CFAP20DC: variants seen among roughly 807,000 people sequenced by gnomAD.
CFAP20DC encodes the protein protein CFAP20DC.
In CFAP20DC, 84 loss-of-function variants were observed where a neutral mutation model predicts 101.7. The ratio of observed to expected loss-of-function variants is 0.83; its 90% CI spans 0.69 to 0.99. The LOEUF (loss-of-function observed/expected upper bound fraction) is 0.99, where lower values mean the gene tolerates loss of function less well. Ranked by LOEUF, CFAP20DC falls within the 50% of genes least tolerant of loss-of-function variation. The pLI is 0.00. For synonymous variants in CFAP20DC, 359 were observed against 351.2 expected, an observed-to-expected ratio of 1.02 and a Z score of -0.25; for missense variants, 1,007 against 970.3, an observed-to-expected ratio of 1.04 and a Z score of -0.50.
At chr3:58,976,015 C>G (rs1421953301) in intron 4 of CFAP20DC, among the ~76,000 whole-genome samples, 16 of 152,202 alleles carry the variant, frequency 1.1e-4, no homozygotes. Context: ...TGCTACACCT[C>G]AAAGCATTTT....
intron 5 of CFAP20DC, among the ~76,000 whole-genome samples, chr3:58,935,199 A>G (rs1179118916): frequency 2.6e-5 from 4 of 152,222 alleles, no homozygotes; most frequent in Admixed American, 6.5e-5. Flanking sequence ...GAAAACACCT[A>G]GGAATCCAAC....
intron 15 of CFAP20DC, among the ~76,000 whole-genome samples, chr3:58,754,558 G>A (rs949406572): frequency 6.6e-6 from 1 of 152,184 alleles, no homozygotes; most frequent in African/African-American, 2.4e-5. Context: ...TTCACTAGTG[G>A]TAAGGAGCAG....
At chr3:58,891,466 G>C (rs986826933) in intron 6 of CFAP20DC, among the ~76,000 whole-genome samples, 2 of 112,572 alleles carry the variant, frequency 1.8e-5, no homozygotes, top group Non-Finnish European at 3.9e-5. Context: ...AGAGGGAGAG[G>C]GAGAGAGCTT....
At chr3:58,925,876 T>C (rs2085906684) in intron 5 of CFAP20DC, among the ~76,000 whole-genome samples, 1 of 152,182 alleles carries the variant, frequency 6.6e-6, no homozygotes, top group African/African-American at 2.4e-5. Context: ...CCAATTTAAG[T>C]ATTTTAAAAA....
At chr3:58,927,742 C>A (rs2086142744) in intron 5 of CFAP20DC, among the ~76,000 whole-genome samples, 1 of 152,102 alleles carries the variant, frequency 6.6e-6, no homozygotes, top group Admixed American at 6.6e-5. Context: ...AGAACTGGGG[C>A]CAATACCACA....
chr3:58,963,705 T>C (rs2091331706), intron 4 of CFAP20DC, among the ~76,000 whole-genome samples: 1 of 151,912 alleles, frequency 6.6e-6, no homozygotes, highest in Non-Finnish European at 1.5e-5. Flanking sequence ...CTGGAAAACA[T>C]GGAAAAGAGG....
At chr3:58,794,859 TTGCTGAAA>T (rs2073120604) in intron 15 of CFAP20DC, among the ~76,000 whole-genome samples, 1 of 152,182 alleles carries the variant, frequency 6.6e-6, no homozygotes, top group Admixed American at 6.5e-5. Flanking sequence ...TCATCGAGCG[TTGCTGAAA>T]GTATGAGCTA....
In CFAP20DC at chr3:58,799,721, C is replaced by CTG. The variant is rs1431222745; in HGVS notation, c.2237+6672_2237+6673dup. Among the ~76,000 whole-genome samples, 63 of 134,656 alleles carry CTG rather than the reference C, an allele frequency of 4.7e-4. 1 individual carries two copies. The highest frequency in any genetic ancestry group is 3.6e-3 in the Middle Eastern group (1 of 280). The allele number at this position is 134,656 out of a possible 152,430, so 88.3% of individuals were successfully genotyped here. A position where few individuals can be genotyped will look rare whatever the true frequency, so the allele number is the denominator to read the frequency against. The stretch of plus-strand genomic sequence containing the variant: ...TCGAGAAGGAGCAGTGTGTGTGTGT[C>CTG]TGTGTGTGTGTCTGTGTGTGTGTGT... On this transcript the variant is annotated intron_variant, in intron 15 of 16. Transcript: ENST00000482387. This position sits in a 1 kb window ranked among gnomAD's most constrained non-coding sequence, Gnocchi z 4.9.
At chr3:58,866,861 C>T (rs551570223) in intron 10 of CFAP20DC, among the ~76,000 whole-genome samples, 173 bp from the exon 11 acceptor site, 1 of 151,822 alleles carries the variant, frequency 6.6e-6, no homozygotes, top group African/African-American at 2.4e-5. Context: ...TTTTAAGCTG[C>T]ATTTTTATAG....
At position 58,935,796 on chromosome 3, in the gene CFAP20DC, G is replaced by A. The variant is rs984315049; in HGVS notation, c.393+1852C>T. ...TTCAAGGTGGATTAAAGACTTAAACGTTAGATCTAAAACCATAAAAACCCT... is the reference window on the plus strand; with the variant it reads ...TTCAAGGTGGATTAAAGACTTAAACATTAGATCTAAAACCATAAAAACCCT... On this transcript the variant is annotated intron_variant, in intron 5 of 16. Coordinates refer to ENST00000482387, the MANE Select transcript of CFAP20DC (RefSeq NM_001394063.1). 8.5e-5 allele frequency among the ~76,000 whole-genome samples: 13 copies of A among 152,224 alleles called. 1 individual carries two copies. The South Asian group carries it at 2.1e-3, about 24-fold the overall frequency.
Position 59,046,336 on chromosome 3 carries a change from T to C in CFAP20DC, c.112-14A>G. 6.9e-7 allele frequency: 1 copy of C among 1,447,238 alleles called. No homozygotes were observed. Among genetic ancestry groups the C allele is most frequent in the Non-Finnish European group, 9.3e-7 (1 of 1,078,224 alleles). The allele number at this position is 1,447,238 out of a possible 1,614,324, so 89.6% of individuals were successfully genotyped here. ...TTTATCAAACTCCTATAGAACAAAA[T>C]GAAAACAGTAGTTATCACAGGATAT... On this transcript the variant is annotated splice_polypyrimidine_tract_variant and intron_variant, in intron 2 of 16. Coordinates refer to ENST00000482387, the MANE Select transcript of CFAP20DC (RefSeq NM_001394063.1).
At chr3:58,806,714 G>A (rs1280446684) in intron 14 of CFAP20DC, among the ~76,000 whole-genome samples, 1 of 152,208 alleles carries the variant, frequency 6.6e-6, no homozygotes, top group Non-Finnish European at 1.5e-5. Context: ...CAGATAGTGG[G>A]TGCAGGACAG....
At chr3:58,953,880 C>T (rs2090383836) in intron 4 of CFAP20DC, 1 of 152,076 alleles carries the variant, frequency 6.6e-6, no homozygotes, top group African/African-American at 2.4e-5. Context: ...CTTAAGGATT[C>T]ATTTTTAAAA....
At chr3:58,908,196 C>G (rs989777590) in intron 6 of CFAP20DC, among the ~76,000 whole-genome samples, 3 of 152,106 alleles carry the variant, frequency 2.0e-5, no homozygotes, top group African/African-American at 7.2e-5. Context: ...TATTTTCAAG[C>G]CTTTCAGTTA....
chr3:58,945,260 C>A (rs2089189428), intron 4 of CFAP20DC, among the ~76,000 whole-genome samples: 1 of 152,116 alleles, frequency 6.6e-6, no homozygotes, highest in Non-Finnish European at 1.5e-5. Context: ...TGCTTGCTTT[C>A]TTTTTGGGGC....
intron 4 of CFAP20DC, among the ~76,000 whole-genome samples, chr3:58,967,175 A>C (rs1190460996): frequency 6.6e-6 from 1 of 152,224 alleles, no homozygotes; most frequent in Non-Finnish European, 1.5e-5. Flanking sequence ...TCAGTGGAAA[A>C]AAATTGAAAG....
At chr3:58,763,203 A>G (rs965024499) in intron 15 of CFAP20DC, among the ~76,000 whole-genome samples, 12 of 152,176 alleles carry the variant, frequency 7.9e-5, no homozygotes, top group African/African-American at 2.9e-4. Context: ...GTCTTTTCAC[A>G]TAGTCCCATA....
chr3:58,995,770 T>C (rs1194319653), intron 4 of CFAP20DC, among the ~76,000 whole-genome samples: 1 of 152,192 alleles, frequency 6.6e-6, no homozygotes, highest in East Asian at 1.9e-4. Context: ...ATTTGCTCTC[T>C]CTGTCTTTTT....
At chr3:58,756,093 T>C (rs954218897) in intron 15 of CFAP20DC, among the ~76,000 whole-genome samples, 1 of 152,184 alleles carries the variant, frequency 6.6e-6, no homozygotes, top group Non-Finnish European at 1.5e-5. Context: ...AAGTAATTTA[T>C]TATCTGCTCC....
Sources: gnomAD v4.1 joint callset for allele counts (sites outside exome capture counted in the v4.1 genomes callset) on GRCh38, gnomAD v4.1.1 for gene constraint, Gnocchi (gnomAD v3.1) non-coding constraint, MANE v1.5 for transcripts, NCBI Gene and HGNC (gene_info 2026-07-23, HGNC 2026-07-21) for gene names.